Variants in TK2 observed in about 807,000 individuals in gnomAD.
The protein encoded by TK2 is thymidine kinase 2, mitochondrial.
Under a neutral mutation model 41.9 loss-of-function variants are expected in TK2, and 35 were observed. The observed-to-expected ratio is 0.84, with a 90% CI of 0.64 to 1.11. The LOEUF (loss-of-function observed/expected upper bound fraction) is 1.11, where lower values mean the gene tolerates loss of function less well. Among genes scored for constraint, TK2 ranks in the 50% least tolerant of loss-of-function variants. The pLI, the probability that TK2 is intolerant of heterozygous loss-of-function variation, is 0.00. For missense variants in TK2, 320 were observed against 351.1 expected, an observed-to-expected ratio of 0.91 and a Z score of 0.71; for synonymous variants, 128 against 129.1, an observed-to-expected ratio of 0.99 and a Z score of 0.06.
At chr16:66,544,903 A>G (rs541217188) in intron 2 of TK2, among the ~76,000 whole-genome samples, 1 of 152,204 alleles carries the variant, frequency 6.6e-6, no homozygotes, top group East Asian at 1.9e-4. Flanking sequence ...CCTGGCCAAC[A>G]TGGTGAAACC....
At chr16:66,519,363 G>A (rs529404948) in intron 6 of TK2, among the ~76,000 whole-genome samples, 1 of 152,228 alleles carries the variant, frequency 6.6e-6, no homozygotes, top group South Asian at 2.1e-4. Context: ...ATTTTTAGTA[G>A]ACACGGGGTT....
intron 2 of TK2, among the ~76,000 whole-genome samples, chr16:66,545,267 A>C (rs938607356): frequency 6.6e-6 from 1 of 152,200 alleles, no homozygotes; most frequent in Non-Finnish European, 1.5e-5. Flanking sequence ...AAATCTCAGC[A>C]ATCATTGTCA....
rs756536095 is a variant in TK2 at position 66,537,018 on chromosome 16, C to G, written c.232-1G>C. The G allele has an allele frequency of 6.2e-7, 1 of 1,614,064 alleles. No homozygotes were observed. The highest frequency in any genetic ancestry group is 1.1e-5 in the South Asian group (1 of 91,082). Reference sequence around the variant, plus strand: ...ACTTGGACACAGGCTCCGTTAACACCTGGAAGGAAAGAAAACATCAGAGCT... The same window carrying G: ...ACTTGGACACAGGCTCCGTTAACACGTGGAAGGAAAGAAAACATCAGAGCT... On this transcript the variant is annotated splice_acceptor_variant, in intron 3 of 9. Transcript: ENST00000544898. LOFTEE classifies it high-confidence loss of function.
At chr16:66,545,430 T>C (rs182256286) in intron 2 of TK2, among the ~76,000 whole-genome samples, 1 of 152,100 alleles carries the variant, frequency 6.6e-6, no homozygotes, top group African/African-American at 2.4e-5. Flanking sequence ...AACTGGCAAG[T>C]GGATAAACAA....
At chr16:66,518,669 T>C (rs1308528407) in intron 6 of TK2, among the ~76,000 whole-genome samples, 1 of 152,228 alleles carries the variant, frequency 6.6e-6, no homozygotes, top group Non-Finnish European at 1.5e-5. Flanking sequence ...TATTGTAAAA[T>C]AATATTTAAT....
Position 66,510,280 on chromosome 16 carries a change from G to A in TK2, c.*1688C>T, listed in dbSNP as rs1479780996. 6.6e-6 allele frequency: 1 copy of A among 151,892 alleles called. No homozygotes were observed. Among genetic ancestry groups the A allele is most frequent in the African/African-American group, 2.4e-5 (1 of 41,352 alleles). 9.4% of individuals were successfully genotyped at this position (151,892 alleles called of 1,614,324 possible). ...AATGGATGTGCAAAATGAGCCGAGAGGAAATATTGGACTGTTCATTTACAA... is the reference window on the plus strand; with the variant it reads ...AATGGATGTGCAAAATGAGCCGAGAAGAAATATTGGACTGTTCATTTACAA... On this transcript the variant is annotated 3_prime_UTR_variant, in exon 10 of 10. Transcript: ENST00000544898.
chr16:66,539,602 GAA>G (rs775031607), intron 3 of TK2, among the ~76,000 whole-genome samples: 3 of 49,274 alleles, frequency 6.1e-5, no homozygotes, highest in Non-Finnish European at 9.2e-5. Flanking sequence ...CTCCATCTCA[GAA>G]AAAAAAAAAA....
rs956738866 is a variant in TK2, at chr16:66,542,212, C to T, written c.157-259G>A. ...CCTTTACGTCAACTCCTAAACCATA[C>T]ACAGCTTGTCTGCCCAGCCCAGCTC... On this transcript the variant is annotated intron_variant, in intron 2 of 9. Coordinates refer to ENST00000544898, the MANE Select transcript of TK2 (RefSeq NM_004614.5). Among the ~76,000 whole-genome samples, 4 of 152,166 alleles carry T rather than the reference C, an allele frequency of 2.6e-5. No individual in the cohort carries two copies. In the South Asian group the frequency reaches 8.3e-4, roughly 32 times the overall value.
chr16:66,537,935 G>C (rs1965336646), intron 3 of TK2, among the ~76,000 whole-genome samples: 1 of 152,158 alleles, frequency 6.6e-6, no homozygotes, highest in Non-Finnish European at 1.5e-5. Context: ...GGCCAAGGCA[G>C]GCAGATCACT....
rs1597068919 is a variant in TK2, at chr16:66,509,475, T to G, written c.*2493A>C. The G allele has an allele frequency of 6.6e-6, 1 of 152,236 alleles. No individual in the cohort carries two copies. Among genetic ancestry groups the G allele is most frequent in the Non-Finnish European group, 1.5e-5 (1 of 68,046 alleles). 9.4% of individuals were successfully genotyped at this position (152,236 alleles called of 1,614,324 possible). ...AATGGTTATAATCATATATTTTACATGTACTGTCAAAAAGCTTAAATAAAA... is the reference window on the plus strand; with the variant it reads ...AATGGTTATAATCATATATTTTACAGGTACTGTCAAAAAGCTTAAATAAAA... On this transcript the variant is annotated 3_prime_UTR_variant, in exon 10 of 10. Coordinates refer to ENST00000544898, the MANE Select transcript of TK2 (RefSeq NM_004614.5).
intron 3 of TK2, among the ~76,000 whole-genome samples, chr16:66,538,843 G>A (rs1340327644): frequency 6.6e-6 from 1 of 152,184 alleles, no homozygotes; most frequent in Non-Finnish European, 1.5e-5. Context: ...AAACAAGGGT[G>A]TGGCCCCTGG....
chr16:66,519,217 C>T (rs575799630), intron 6 of TK2, among the ~76,000 whole-genome samples: 7 of 152,116 alleles, frequency 4.6e-5, no homozygotes, highest in African/African-American at 1.4e-4. Flanking sequence ...TTCACTCTGT[C>T]GCCCAGGCTG....
rs776455044 is a variant in TK2, at chr16:66,531,483, AAC to A, written c.286-16_286-15del. The A allele has an allele frequency of 1.2e-6, 2 of 1,613,798 alleles. No individual in the cohort carries two copies. Among genetic ancestry groups the A allele is most frequent in the Non-Finnish European group, 8.5e-7 (1 of 1,179,708 alleles). On this transcript the variant is annotated splice_polypyrimidine_tract_variant and intron_variant, in intron 4 of 9. Coordinates refer to ENST00000544898, the MANE Select transcript of TK2 (RefSeq NM_004614.5). ...GTACATCAGGCCCTGCAGAAGGGAA[AAC>A]ACAGCACTTTCCATCAAAGTGGCAT...
intron 8 of TK2, among the ~76,000 whole-genome samples, 175 bp downstream of exon 8, chr16:66,516,961 G>A (rs1185312994): frequency 2.0e-5 from 3 of 152,094 alleles, no homozygotes; most frequent in Non-Finnish European, 2.9e-5. Flanking sequence ...GGACATCCAC[G>A]TGGGTCTCTG....
Position 66,550,118 on chromosome 16 carries a change from C to G in TK2, c.-57G>C. Reference sequence around the variant, plus strand: ...TCCTTCTTGTGCGAGTCGGCGCGGACGACTGCTAGTCCAGCCGTTGGGCGC... The same window carrying G: ...TCCTTCTTGTGCGAGTCGGCGCGGAGGACTGCTAGTCCAGCCGTTGGGCGC... On this transcript the variant is annotated 5_prime_UTR_variant, in exon 1 of 10. Coordinates refer to ENST00000544898, the MANE Select transcript of TK2 (RefSeq NM_004614.5). 6.2e-7 allele frequency: 1 copy of G among 1,611,118 alleles called. No homozygotes were observed. The highest frequency in any genetic ancestry group is 8.5e-7 in the Non-Finnish European group (1 of 1,179,508).
chr16:66,538,931 G>C (rs1220834947), intron 3 of TK2, among the ~76,000 whole-genome samples: 1 of 152,100 alleles, frequency 6.6e-6, no homozygotes, highest in African/African-American at 2.4e-5. Context: ...TAGCGACCCT[G>C]GACAAGCCAC....
At chr16:66,522,739 G>A (rs772391304) in intron 6 of TK2, among the ~76,000 whole-genome samples, 2 of 152,092 alleles carry the variant, frequency 1.3e-5, no homozygotes, top group Non-Finnish European at 2.9e-5. Context: ...TGTGGCACAT[G>A]ACTAATCCCA....
intron 9 of TK2, 55 bp downstream of exon 9, chr16:66,513,676 C>T (rs962333004): frequency 3.3e-5 from 51 of 1,545,472 alleles, no homozygotes; most frequent in East Asian, 6.7e-5. Flanking sequence ...TGACATTCCC[C>T]GGGTCACTCC....
chr16:66,530,509 A>G (rs1965076738), intron 5 of TK2, among the ~76,000 whole-genome samples: 1 of 152,214 alleles, frequency 6.6e-6, no homozygotes, highest in South Asian at 2.1e-4. Flanking sequence ...ACACCTGACC[A>G]AAGCTGAACC....
Sources: gnomAD v4.1 joint callset for allele counts (sites outside exome capture counted in the v4.1 genomes callset) on GRCh38, gnomAD v4.1.1 for gene constraint, MANE v1.5 for transcripts, NCBI Gene and HGNC (gene_info 2026-07-23, HGNC 2026-07-21) for gene names.